Variants in SHISA6 observed in about 807,000 individuals in gnomAD.
SHISA6 encodes the protein protein shisa-6.
SHISA6 carries 22 observed loss-of-function variants against 47.9 expected under a neutral mutation model. The observed-to-expected ratio is 0.46, with a 90% confidence interval of 0.33 to 0.66. The LOEUF (loss-of-function observed/expected upper bound fraction) is 0.66, where lower values mean the gene tolerates loss of function less well. SHISA6 is among the 30% of genes least tolerant of loss of function. The pLI, the probability that SHISA6 is intolerant of heterozygous loss-of-function variation, is 0.02. For synonymous variants in SHISA6, 388 were observed against 337.8 expected (o/e 1.15, Z -1.63); for missense variants, 680 against 764.6 (o/e 0.89, Z 1.30).
At chr17:11,331,213 A>G (rs972861722) in intron 2 of SHISA6, among the ~76,000 whole-genome samples, 1 of 152,152 alleles carries the variant, frequency 6.6e-6, no homozygotes, top group Non-Finnish European at 1.5e-5. Flanking sequence ...TTCAAAATGC[A>G]TTACCCTTCT....
intron 3 of SHISA6, among the ~76,000 whole-genome samples, chr17:11,496,554 A>G (rs908880148): frequency 6.6e-6 from 1 of 152,092 alleles, no homozygotes; most frequent in Non-Finnish European, 1.5e-5. Flanking sequence ...CCTGGCCAAC[A>G]TGGTGAAACC....
intron 3 of SHISA6, among the ~76,000 whole-genome samples, chr17:11,548,287 C>T (rs147711041): frequency 6.6e-6 from 1 of 152,032 alleles, no homozygotes; most frequent in African/African-American, 2.4e-5. Flanking sequence ...TGCATTCCTC[C>T]GAACATCCAA....
rs529968974 is a variant in SHISA6 at position 11,506,384 on chromosome 17, A to G, written c.896-45512A>G. ...GCAAAAGAGTTTTCAATCCAGGTTG[A>G]ATGACCCTGGGTATCACACACAAGT... On this transcript the variant is annotated intron_variant, in intron 3 of 5. Coordinates refer to ENST00000441885, the MANE Select transcript of SHISA6 (RefSeq NM_207386.4). Among the ~76,000 whole-genome samples the G allele has an allele frequency of 3.3e-5, 5 of 152,350 alleles. No individual in the cohort carries two copies. The South Asian group carries it at 1.0e-3, about 32-fold the overall frequency.
intron 5 of SHISA6, among the ~76,000 whole-genome samples, chr17:11,557,128 T>C (rs889299354): frequency 1.3e-5 from 2 of 152,186 alleles, no homozygotes; most frequent in Non-Finnish European, 2.9e-5. Flanking sequence ...GCCCATGTAT[T>C]GGCTTTCTAT....
At position 11,367,606 on chromosome 17, in the gene SHISA6, T is replaced by C. The variant is rs563256723; in HGVS notation, c.800-11808T>C. On this transcript the variant is annotated intron_variant, in intron 2 of 5. Transcript: ENST00000441885. ...GAGACCCTGGGCAGTCACAGTGATA[T>C]TGGTGAACACACCCCAGGTGCTGTT... is the stretch of plus-strand genomic sequence containing the variant. Among the ~76,000 whole-genome samples the C allele has an allele frequency of 3.9e-5, 6 of 152,268 alleles. No individual in the cohort carries two copies. In the South Asian group the frequency reaches 6.2e-4, roughly 16 times the overall value.
At chr17:11,445,759 G>A (rs1334498698) in intron 3 of SHISA6, among the ~76,000 whole-genome samples, 1 of 152,208 alleles carries the variant, frequency 6.6e-6, no homozygotes, top group African/African-American at 2.4e-5. Flanking sequence ...GGTAATCACT[G>A]GAAGCCCGGG....
intron 4 of SHISA6, among the ~76,000 whole-genome samples, chr17:11,554,178 G>T (rs1387433312): frequency 6.6e-6 from 1 of 152,174 alleles, no homozygotes; most frequent in Non-Finnish European, 1.5e-5. Context: ...GAGATGAGTG[G>T]CTATTACTCC....
At chr17:11,360,732 G>T (rs1404712612) in intron 2 of SHISA6, among the ~76,000 whole-genome samples, 1 of 151,356 alleles carries the variant, frequency 6.6e-6, no homozygotes, top group Non-Finnish European at 1.5e-5. Flanking sequence ...AATCACCATG[G>T]CACATGTATA....
chr17:11,241,467 G>A lies in SHISA6; in HGVS notation c.45G>A (p.Glu15=). 1 of 1,215,018 alleles carries A rather than the reference G, an allele frequency of 8.2e-7. No homozygotes were observed. The highest frequency in any genetic ancestry group is 1.0e-6 in the Non-Finnish European group (1 of 959,080). The allele number at this position is 1,215,018 out of a possible 1,614,324, so 75.3% of individuals were successfully genotyped here. A position where few individuals can be genotyped will look rare whatever the true frequency, so the allele number is the denominator to read the frequency against. The change falls in exon 1 of 6, where the codon GAG becomes GAA. Residue 15 remains glutamate (E), a synonymous_variant. Transcript: ENST00000441885. This position sits in a 1 kb window ranked among gnomAD's most constrained non-coding sequence, Gnocchi z 5.5. ...RLLLLLLLSL[E]SLDLLPSVHG... ...TGCTGCTGCTGCTGCTCTCGCTGGA[G>A]TCCCTGGACCTGCTGCCCAGCGTCC... is the stretch of plus-strand genomic sequence containing the variant.
At chr17:11,291,018 T>C (rs1005120165) in intron 2 of SHISA6, among the ~76,000 whole-genome samples, 5 of 151,322 alleles carry the variant, frequency 3.3e-5, no homozygotes, top group Non-Finnish European at 5.9e-5. Context: ...AATTTATTAA[T>C]AATTCAATTC....
intron 2 of SHISA6, among the ~76,000 whole-genome samples, chr17:11,329,902 C>G (rs1911036764): frequency 6.6e-6 from 1 of 151,852 alleles, no homozygotes; most frequent in Non-Finnish European, 1.5e-5. Context: ...CTCTCTTTCT[C>G]TCTCCCTCCC....
At chr17:11,256,270 T>C (rs1908004116) in intron 1 of SHISA6, among the ~76,000 whole-genome samples, 1 of 152,142 alleles carries the variant, frequency 6.6e-6, no homozygotes, top group African/African-American at 2.4e-5. Flanking sequence ...CAAGGTTGGG[T>C]GGATCACCTG....
At chr17:11,270,161 A>T (rs1908585091) in intron 2 of SHISA6, among the ~76,000 whole-genome samples, 1 of 152,170 alleles carries the variant, frequency 6.6e-6, no homozygotes, top group South Asian at 2.1e-4. Context: ...TTTTTAATAG[A>T]GACAGGGTTT....
chr17:11,381,813 T>C (rs1220194665), intron 3 of SHISA6, among the ~76,000 whole-genome samples: 1 of 152,138 alleles, frequency 6.6e-6, no homozygotes, highest in Non-Finnish European at 1.5e-5. Flanking sequence ...TTATCTCCCA[T>C]CTTAATTTGT....
chr17:11,340,433 A>G (rs146527605), intron 2 of SHISA6, among the ~76,000 whole-genome samples: 1 of 152,282 alleles, frequency 6.6e-6, no homozygotes, highest in East Asian at 1.9e-4. Context: ...AGGCTAGGCT[A>G]AGCTTCCTAA....
intron 1 of SHISA6, among the ~76,000 whole-genome samples, chr17:11,260,971 A>T (rs1181845036): frequency 6.6e-6 from 1 of 152,186 alleles, no homozygotes; most frequent in Admixed American, 6.5e-5. Context: ...ACGGTTAGAA[A>T]GTAGCTCAGG....
Position 11,502,277 on chromosome 17 carries a change from C to T in SHISA6, c.896-49619C>T, listed in dbSNP as rs1008604744. On this transcript the variant is annotated intron_variant, in intron 3 of 5. Transcript: ENST00000441885. ...ACAAAAAATTAGCCGGGCGTGGTAG[C>T]GGGCGCCTGTAGTCCCAGCTACTCG... Among the ~76,000 whole-genome samples the T allele has an allele frequency of 2.0e-5, 3 of 151,382 alleles. 1 individual carries two copies. The highest frequency in any genetic ancestry group is 4.2e-4 in the South Asian group (2 of 4,770).
intron 2 of SHISA6, among the ~76,000 whole-genome samples, chr17:11,268,757 C>A (rs567488164): frequency 6.6e-6 from 1 of 152,156 alleles, no homozygotes; most frequent in African/African-American, 2.4e-5. Flanking sequence ...TATCCTAGGA[C>A]CAAGAACATC....
In SHISA6 at chr17:11,248,318, A is replaced by G. The variant is rs191525078; in HGVS notation, c.638+6258A>G. Among the ~76,000 whole-genome samples, 10 of 152,328 alleles carry G rather than the reference A, an allele frequency of 6.6e-5. No individual in the cohort carries two copies. The East Asian group carries it at 1.9e-3, about 29-fold the overall frequency. ...TCTATTACAGAATTATAACGTTTTC[A>G]TTGCAGGCAATTCATTTAATCTCGT... On this transcript the variant is annotated intron_variant, in intron 1 of 5. Transcript: ENST00000441885.
Sources: allele counts gnomAD v4.1 joint callset (sites outside exome capture counted in the v4.1 genomes callset), GRCh38; gene constraint gnomAD v4.1.1; non-coding constraint Gnocchi (gnomAD v3.1); transcripts MANE v1.5; gene names NCBI Gene and HGNC (gene_info 2026-07-23, HGNC 2026-07-21).